The following CCDC88A variants were observed in gnomAD, a reference collection of about 807,000 sequenced individuals.
CCDC88A encodes the protein coiled-coil and HOOK domain protein 88A.
CCDC88A carries 54 observed loss-of-function variants against 234.3 expected under a neutral mutation model. That is an observed-to-expected ratio of 0.23 (90% CI 0.19 to 0.29). The LOEUF is 0.29. CCDC88A is among the 10% of genes least tolerant of loss of function. The pLI, the probability that CCDC88A is intolerant of heterozygous loss-of-function variation, is 1.00. For synonymous variants in CCDC88A, 753 were observed against 737.8 expected (o/e 1.02, Z -0.33); for missense variants, 1,832 against 2,123.4 (o/e 0.86, Z 2.70).
At chr2:55,418,693 C>T (rs1681862132) in intron 2 of CCDC88A, 123 bp downstream of exon 2, 2 of 713,962 alleles carry the variant, frequency 2.8e-6, no homozygotes, top group Non-Finnish European at 4.9e-6. Context: ...AGATCCAATT[C>T]TTAAACCACC....
Position 55,328,556 on chromosome 2 carries a change from A to G in CCDC88A, c.2856-121T>C. On this transcript the variant is annotated intron_variant, in intron 16 of 32. Transcript: ENST00000436346. The surrounding 1 kb of genome is among the most constrained non-coding windows in gnomAD (Gnocchi z 4.3). Reference sequence around the variant, plus strand: ...TCTTATAAAAGCATTTTTGTTAAAGAGGCAAATGAAATTATCCTCTTCTTA... The same window carrying G: ...TCTTATAAAAGCATTTTTGTTAAAGGGGCAAATGAAATTATCCTCTTCTTA... The G allele has an allele frequency of 3.2e-6, 2 of 621,900 alleles. No individual in the cohort carries two copies. The highest frequency in any genetic ancestry group is 5.1e-6 in the Non-Finnish European group (2 of 390,818). 38.5% of individuals were successfully genotyped at this position (621,900 alleles called of 1,614,324 possible). A position where few individuals can be genotyped will look rare whatever the true frequency, so the allele number is the denominator to read the frequency against.
chr2:55,346,256 G>C lies in CCDC88A; in HGVS notation c.960C>G (p.Val320=). The change falls in exon 10 of 33, where the codon GTC becomes GTG. Residue 320 remains valine (V), a synonymous_variant. Transcript: ENST00000436346. ...CTTCACTTTCAAGCTTATCGACTCT[G>C]ACTGCTTTCTCTCGAAGTGCATCTA... ...DELDALREKA[V]RVDKLESEVS... 6.2e-7 allele frequency: 1 copy of C among 1,611,506 alleles called. No homozygotes were observed. The highest frequency in any genetic ancestry group is 8.5e-7 in the Non-Finnish European group (1 of 1,178,044).
At chr2:55,341,264 G>C (rs1668456667) in intron 12 of CCDC88A, among the ~76,000 whole-genome samples, 1 of 147,410 alleles carries the variant, frequency 6.8e-6, no homozygotes, top group Non-Finnish European at 1.5e-5. Context: ...TCCTGCTTCA[G>C]CTCCCAAGCA....
rs61703330 is a variant in CCDC88A, at chr2:55,409,738, C to CTTTTT, written c.164+9073_164+9077dup. ...CAGGGGGATGTGCCTATATACCTCCCTTTTTTTTTTTTTTTTTTTTTTCAG... is the reference window on the plus strand; with the variant it reads ...CAGGGGGATGTGCCTATATACCTCCCTTTTTTTTTTTTTTTTTTTTTTTTTTTCAG... On this transcript the variant is annotated intron_variant, in intron 2 of 32. Coordinates refer to ENST00000436346, the MANE Select transcript of CCDC88A (RefSeq NM_001365480.1). Among the ~76,000 whole-genome samples, 268 of 111,684 alleles carry CTTTTT rather than the reference C, an allele frequency of 2.4e-3. 23 individuals are homozygous for CTTTTT. Among genetic ancestry groups the CTTTTT allele is most frequent in the African/African-American group, 0.01 (242 of 23,936 alleles). The allele number at this position is 111,684 out of a possible 152,430, so 73.3% of individuals were successfully genotyped here.
chr2:55,318,705 C>CATGGCACTAA (rs1683256429), intron 19 of CCDC88A, 138 bp downstream of exon 19: 1 of 567,622 alleles, frequency 1.8e-6, no homozygotes, highest in East Asian at 3.1e-5. Context: ...GAAAATTTGG[C>CATGGCACTAA]ATGGCACTAA....
intron 5 of CCDC88A, among the ~76,000 whole-genome samples, chr2:55,367,867 A>G (rs922173003): frequency 2.6e-5 from 4 of 152,040 alleles, no homozygotes; most frequent in Non-Finnish European, 5.9e-5. Context: ...CACACTTGAC[A>G]CTCAGTTACT....
chr2:55,349,290 A>G (rs1323674045), intron 9 of CCDC88A: 7 of 494,146 alleles, frequency 1.4e-5, no homozygotes, highest in East Asian at 1.1e-4. Flanking sequence ...CTCAGTCCTA[A>G]GTAGCTCTTT....
intron 5 of CCDC88A, among the ~76,000 whole-genome samples, chr2:55,367,370 G>A (rs1053817331): frequency 6.6e-6 from 1 of 151,870 alleles, no homozygotes; most frequent in African/African-American, 2.4e-5. Flanking sequence ...GAATACCACT[G>A]AACTATATAC....
At chr2:55,299,285 A>C (rs1362017407) in intron 29 of CCDC88A, among the ~76,000 whole-genome samples, 2 of 152,206 alleles carry the variant, frequency 1.3e-5, no homozygotes, top group Non-Finnish European at 2.9e-5. Flanking sequence ...GTTTCCAGAC[A>C]TTTACTTAAA....
At chr2:55,378,210 C>G (rs1674021972) in intron 3 of CCDC88A, among the ~76,000 whole-genome samples, 1 of 152,142 alleles carries the variant, frequency 6.6e-6, no homozygotes, top group African/African-American at 2.4e-5. Flanking sequence ...CTCTGTTTCC[C>G]CATGCTCTAC....
chr2:55,359,999 T>C (rs1255066172), intron 7 of CCDC88A, among the ~76,000 whole-genome samples: 1 of 152,166 alleles, frequency 6.6e-6, no homozygotes, highest in Non-Finnish European at 1.5e-5. Flanking sequence ...GAGTTAGATC[T>C]GGCAAGTTAC....
chr2:55,291,924 C>A (rs1167449061), intron 31 of CCDC88A, 149 bp from the exon 32 acceptor site: 6 of 502,192 alleles, frequency 1.2e-5, no homozygotes, highest in African/African-American at 8.0e-5. Context: ...CATCTCAATA[C>A]TTAAAGATCG....
chr2:55,357,494 C>T (rs1468415695), intron 7 of CCDC88A, among the ~76,000 whole-genome samples: 1 of 151,984 alleles, frequency 6.6e-6, no homozygotes, highest in African/African-American at 2.4e-5. Context: ...CCTCCATTCC[C>T]CTAATTTTCC....
chr2:55,350,531 A>G (rs1260779026), intron 8 of CCDC88A: 2 of 151,340 alleles, frequency 1.3e-5, no homozygotes, highest in Non-Finnish European at 2.9e-5. Flanking sequence ...TTTAATAATA[A>G]AGTAAATGTT....
At chr2:55,314,873 CT>C (rs1332522173) in intron 22 of CCDC88A, among the ~76,000 whole-genome samples, 4 of 152,138 alleles carry the variant, frequency 2.6e-5, no homozygotes. Flanking sequence ...CTATCTCAAC[CT>C]TTTATACTAT....
At chr2:55,325,838 T>G (rs1320980638) in intron 17 of CCDC88A, among the ~76,000 whole-genome samples, 2 of 152,200 alleles carry the variant, frequency 1.3e-5, no homozygotes, top group Admixed American at 1.3e-4. Flanking sequence ...CTTGTTATCT[T>G]TGTGCTGGAA....
rs1008723396 is a variant in CCDC88A, at chr2:55,290,472, T to TAC, written c.*726_*727dup. ...AAAAAAGTTTCAGAAAAACACTCTT[T>TAC]ACCATGGGTTAACTTATGAATGCTT... is the stretch of plus-strand genomic sequence containing the variant. On this transcript the variant is annotated 3_prime_UTR_variant, in exon 33 of 33. Transcript: ENST00000436346. 5.3e-5 allele frequency: 8 copies of TAC among 152,086 alleles called. No homozygotes were observed. Among genetic ancestry groups the TAC allele is most frequent in the African/African-American group, 1.9e-4 (8 of 41,444 alleles). 9.4% of individuals were successfully genotyped at this position (152,086 alleles called of 1,614,324 possible). A position where few individuals can be genotyped will look rare whatever the true frequency, so the allele number is the denominator to read the frequency against.
chr2:55,419,726 TTGAATGTG>T lies in CCDC88A; in HGVS notation c.-655_-648del, dbSNP rs1682006888. 6.6e-6 allele frequency: 1 copy of T among 151,070 alleles called. No individual in the cohort carries two copies. Among genetic ancestry groups the T allele is most frequent in the Non-Finnish European group, 1.5e-5 (1 of 67,958 alleles). The allele number at this position is 151,070 out of a possible 1,614,324, so 9.4% of individuals were successfully genotyped here. A position where few individuals can be genotyped will look rare whatever the true frequency, so the allele number is the denominator to read the frequency against. ...CCCTTCCCCTCCCGGGGGTGGGGGC[TTGAATGTG>T]TGTCCCTAACCCCCCAGCTTCCTAA... On this transcript the variant is annotated 5_prime_UTR_variant, in exon 1 of 33. Coordinates refer to ENST00000436346, the MANE Select transcript of CCDC88A (RefSeq NM_001365480.1).
chr2:55,345,537 C>A (rs928271993), intron 10 of CCDC88A: 2 of 152,580 alleles, frequency 1.3e-5, no homozygotes, highest in African/African-American at 4.8e-5. Context: ...GCTGGGCTTA[C>A]AGGCATGCGC....
Sources: allele counts gnomAD v4.1 joint callset (sites outside exome capture counted in the v4.1 genomes callset), GRCh38; gene constraint gnomAD v4.1.1; non-coding constraint Gnocchi (gnomAD v3.1); transcripts MANE v1.5; gene names NCBI Gene and HGNC (gene_info 2026-07-23, HGNC 2026-07-21).